CDON: variants seen among roughly 807,000 people sequenced by gnomAD.
CDON encodes the protein cell adhesion molecule-related/down-regulated by oncogenes.
CDON carries 73 observed loss-of-function variants against 120.9 expected under a neutral mutation model. The observed-to-expected ratio is 0.60, with a 90% CI of 0.50 to 0.73. The LOEUF (loss-of-function observed/expected upper bound fraction) is 0.73. Among genes scored for constraint, CDON ranks in the 30% least tolerant of loss-of-function variants. The pLI is 0.00. For synonymous variants in CDON, 566 were observed against 573.5 expected (o/e 0.99, Z 0.19); for missense variants, 1,470 against 1,587.3 (o/e 0.93, Z 1.26).
chr11:125,969,977 G>T (rs1042187926), intron 18 of CDON, among the ~76,000 whole-genome samples: 19 of 152,154 alleles, frequency 1.2e-4, no homozygotes, highest in African/African-American at 4.6e-4. Context: ...TGATTACACA[G>T]TTGAATATTT....
At chr11:125,980,369 A>G (rs1946262963) in intron 17 of CDON, among the ~76,000 whole-genome samples, 1 of 152,236 alleles carries the variant, frequency 6.6e-6, no homozygotes, top group Non-Finnish European at 1.5e-5. Context: ...ACCAGCCACA[A>G]CAACAAAACA....
rs376284528 is a variant in CDON at position 125,981,198 on chromosome 11, T to A, written c.3127A>T (p.Ser1043Cys). Residue 1043 changes from serine to cysteine, a missense_variant, in exon 17 of 20, where the codon AGC becomes TGC. By Grantham distance (112) the Ser-to-Cys change is moderately radical (BLOSUM62 -1). Transcript: ENST00000531738. ...TGGTGAAGGTGGGAATAGCCACTGC[T>A]GAGACCGCCATTGGTTAGGAAGCCT... ...HGGFLTNGGL[S>C]SGYSHLHHKV... is the part of the protein sequence containing the mutation. 6.2e-7 allele frequency: 1 copy of A among 1,614,002 alleles called. No homozygotes were observed. The highest frequency in any genetic ancestry group is 1.1e-5 in the South Asian group (1 of 91,084).
chr11:125,960,707 A>G lies in CDON; in HGVS notation c.*235T>C, dbSNP rs574007240. On this transcript the variant is annotated 3_prime_UTR_variant, in exon 20 of 20. Transcript: ENST00000531738. ...CCTCCAGGTGACTGAATACTATGCA[A>G]AACAAGGTTGTTTCCTACCGAGGGG... 8 of 534,696 alleles carry G rather than the reference A, an allele frequency of 1.5e-5. No individual in the cohort carries two copies. The highest frequency in any genetic ancestry group is 8.1e-5 in the South Asian group (4 of 49,218). 33.1% of individuals were successfully genotyped at this position (534,696 alleles called of 1,614,324 possible). A position where few individuals can be genotyped will look rare whatever the true frequency, so the allele number is the denominator to read the frequency against.
chr11:126,015,554 A>T, intron 6 of CDON, 44 bp from the exon 7 acceptor site: 2 of 1,595,728 alleles, frequency 1.3e-6, no homozygotes, highest in Non-Finnish European at 8.6e-7. Context: ...CTCAAAATGT[A>T]CTTCTTAAAT....
At chr11:126,035,244 C>T (rs1948063666) in intron 1 of CDON, among the ~76,000 whole-genome samples, 1 of 152,066 alleles carries the variant, frequency 6.6e-6, no homozygotes, top group Admixed American at 6.5e-5. Flanking sequence ...ATTGAAAAGG[C>T]AGATAAGAAA....
At chr11:125,981,427 C>G in intron 16 of CDON, 98 bp from the exon 17 acceptor site, 1 of 998,246 alleles carries the variant, frequency 1.0e-6, no homozygotes. Context: ...CATACGCACA[C>G]ACGCACACAC....
At chr11:126,058,815 G>T (rs1428056873) in intron 1 of CDON, among the ~76,000 whole-genome samples, 3 of 152,178 alleles carry the variant, frequency 2.0e-5, no homozygotes, top group African/African-American at 7.2e-5. Flanking sequence ...CAGGGGAAAA[G>T]GGACTTGGGA....
intron 1 of CDON, among the ~76,000 whole-genome samples, chr11:126,033,154 C>T (rs1947991340): frequency 6.6e-6 from 1 of 152,196 alleles, no homozygotes; most frequent in South Asian, 2.1e-4. Context: ...GCTGTCCAGA[C>T]TTCTGACTCA....
intron 7 of CDON, 44 bp downstream of exon 7, chr11:126,015,197 T>G: frequency 1.3e-6 from 2 of 1,580,972 alleles, no homozygotes; most frequent in Non-Finnish European, 1.7e-6. Context: ...AAAGCCCATC[T>G]GTAAAATAAA....
chr11:125,966,635 G>A (rs1336411109), intron 18 of CDON, among the ~76,000 whole-genome samples: 1 of 152,036 alleles, frequency 6.6e-6, no homozygotes, highest in Non-Finnish European at 1.5e-5. Context: ...GTGGACCCCA[G>A]GCAGAATACA....
intron 8 of CDON, among the ~76,000 whole-genome samples, chr11:126,010,122 T>C (rs887729677): frequency 6.6e-6 from 1 of 152,184 alleles, no homozygotes; most frequent in Non-Finnish European, 1.5e-5. Context: ...CTTTCTGTAT[T>C]GCACCTACAA....
At position 126,021,465 on chromosome 11, in the gene CDON, T is replaced by C. The variant is rs1947633531; in HGVS notation, c.132A>G (p.Gly44=). 1.9e-6 allele frequency: 3 copies of C among 1,614,024 alleles called. No individual in the cohort carries two copies. The highest frequency in any genetic ancestry group is 2.5e-6 in the Non-Finnish European group (3 of 1,179,944). Residue 44 remains glycine (G), a synonymous_variant, in exon 3 of 20, where the codon GGA becomes GGG. Coordinates refer to ENST00000531738, the MANE Select transcript of CDON (RefSeq NM_001378964.1). ...EPLSAVQKLG[G]PVVLHCSAQP... ...GAGCAGAACAATGCAGTACTACAGGTCCACCAAGTTTCTGGACAGCAGAGA... is the reference window on the plus strand; with the variant it reads ...GAGCAGAACAATGCAGTACTACAGGCCCACCAAGTTTCTGGACAGCAGAGA...
chr11:126,054,090 A>G (rs921060097), intron 1 of CDON, among the ~76,000 whole-genome samples: 4 of 152,194 alleles, frequency 2.6e-5, no homozygotes, highest in South Asian at 2.1e-4. Flanking sequence ...CCCCTTGCCA[A>G]TTTTACCTCT....
At position 125,959,652 on chromosome 11, in the gene CDON, C is replaced by T. The variant is rs1175258886; in HGVS notation, c.*1290G>A. On this transcript the variant is annotated 3_prime_UTR_variant, in exon 20 of 20. Transcript: ENST00000531738. ...CAAACAAAAAAAAACCCTTTTCTTC[C>T]AAAGTAAGTCTTTTCTGACACTCAC... 1 of 152,032 alleles carries T rather than the reference C, an allele frequency of 6.6e-6. No individual in the cohort carries two copies. Among genetic ancestry groups the T allele is most frequent in the Non-Finnish European group, 1.5e-5 (1 of 67,992 alleles). 9.4% of individuals were successfully genotyped at this position (152,032 alleles called of 1,614,324 possible). A position where few individuals can be genotyped will look rare whatever the true frequency, so the allele number is the denominator to read the frequency against.
At position 126,051,537 on chromosome 11, in the gene CDON, G is replaced by A. The variant is rs138543093; in HGVS notation, c.-62+11042C>T. Among the ~76,000 whole-genome samples the A allele has an allele frequency of 3.4e-3, 514 of 152,140 alleles. 7 individuals are homozygous for A. The highest frequency in any genetic ancestry group is 0.011 in the African/African-American group (450 of 41,502). On this transcript the variant is annotated intron_variant, in intron 1 of 19. Transcript: ENST00000531738. ...ATCTGATACCACAAAATATTGATAT[G>A]AAATCTCTGCACAAGCTGTATTGTA...
chr11:125,964,607 CAA>C (rs11458667), intron 18 of CDON, among the ~76,000 whole-genome samples: 1 of 127,074 alleles, frequency 7.9e-6, no homozygotes, highest in Non-Finnish European at 1.7e-5. Context: ...GGAGACAGAC[CAA>C]AAAAAAAAAA....
chr11:126,005,216 T>C (rs1412321310), intron 9 of CDON, among the ~76,000 whole-genome samples: 2 of 150,442 alleles, frequency 1.3e-5, no homozygotes, highest in Non-Finnish European at 3.0e-5. Context: ...GCACGAGAAC[T>C]GCTGGAACCC....
At chr11:126,010,092 G>A (rs1947246786) in intron 8 of CDON, among the ~76,000 whole-genome samples, 1 of 152,002 alleles carries the variant, frequency 6.6e-6, no homozygotes, top group African/African-American at 2.4e-5. Flanking sequence ...TTATATTCTG[G>A]GCCTGCTCCC....
In CDON at chr11:125,957,394, A is replaced by C. The variant is rs1255248711; in HGVS notation, c.*3548T>G. On this transcript the variant is annotated 3_prime_UTR_variant, in exon 20 of 20. Coordinates refer to ENST00000531738, the MANE Select transcript of CDON (RefSeq NM_001378964.1). The stretch of plus-strand genomic sequence containing the variant: ...GAAGACATTCGCCCACCCCAATCAC[A>C]AACTATAAGCAGCGTTGTACAAACA... The C allele has an allele frequency of 6.6e-6, 1 of 152,210 alleles. No individual in the cohort carries two copies. The highest frequency in any genetic ancestry group is 1.5e-5 in the Non-Finnish European group (1 of 68,062). 9.4% of individuals were successfully genotyped at this position (152,210 alleles called of 1,614,324 possible).
Sources: allele counts gnomAD v4.1 joint callset (sites outside exome capture counted in the v4.1 genomes callset), GRCh38; gene constraint gnomAD v4.1.1; transcripts MANE v1.5; gene names NCBI Gene and HGNC (gene_info 2026-07-23, HGNC 2026-07-21).